MARK3: variants seen among roughly 807,000 people sequenced by gnomAD.
MARK3 encodes the protein microtubule affinity regulating kinase 3, also known as MAP/microtubule affinity-regulating kinase 3.
Under a neutral mutation model 90.1 loss-of-function variants are expected in MARK3, and 46 were observed. The observed-to-expected ratio is 0.51, with a 90% confidence interval of 0.40 to 0.65. The LOEUF (loss-of-function observed/expected upper bound fraction) is 0.65. MARK3 is among the 30% of genes least tolerant of loss of function. The pLI is 0.00. For synonymous variants in MARK3, 321 were observed against 332.6 expected (o/e 0.97, Z 0.38); for missense variants, 818 against 947.2 (o/e 0.86, Z 1.79).
At chr14:103,488,676 G>A (rs906841667) in intron 14 of MARK3, among the ~76,000 whole-genome samples, 21 of 152,070 alleles carry the variant, frequency 1.4e-4, no homozygotes, top group Non-Finnish European at 1.9e-4. Context: ...CCATCATAGT[G>A]AGACACCATC....
intron 1 of MARK3, among the ~76,000 whole-genome samples, chr14:103,386,539 G>T (rs2089817786): frequency 1.3e-5 from 2 of 152,180 alleles, no homozygotes; most frequent in African/African-American, 4.8e-5. Context: ...GGGCGGTCTC[G>T]TTCTTTAAGA....
chr14:103,452,572 C>T (rs369616400), intron 5 of MARK3, among the ~76,000 whole-genome samples: 3 of 145,798 alleles, frequency 2.1e-5, no homozygotes, highest in East Asian at 4.0e-4. Context: ...CCCGGGTTCA[C>T]GCCATTCTCC....
chr14:103,462,600 G>A (rs2093423638), intron 7 of MARK3, 139 bp downstream of exon 7: 2 of 504,828 alleles, frequency 4.0e-6, no homozygotes, highest in South Asian at 9.5e-5. Context: ...TCTTAATCAA[G>A]TTATGGGAAA....
At chr14:103,464,289 CTTTTTTTTT>C (rs143005949) in intron 7 of MARK3, among the ~76,000 whole-genome samples, 6 of 68,664 alleles carry the variant, frequency 8.7e-5, no homozygotes, top group Non-Finnish European at 1.3e-4. Context: ...TGATTTGTCT[CTTTTTTTTT>C]TTTTTTTTTT....
intron 6 of MARK3, chr14:103,458,829 C>T (rs1363255311): frequency 9.6e-6 from 6 of 624,746 alleles, no homozygotes; most frequent in African/African-American, 9.2e-5. Context: ...TTCTTATAAA[C>T]GTTGCTTATA....
intron 14 of MARK3, among the ~76,000 whole-genome samples, chr14:103,483,916 C>G (rs888693611): frequency 5.3e-5 from 8 of 152,314 alleles, no homozygotes; most frequent in African/African-American, 1.9e-4. Context: ...AGTGCTCAAA[C>G]AAATGTTAGC....
intron 3 of MARK3, among the ~76,000 whole-genome samples, chr14:103,445,991 G>A (rs530256309): frequency 3.2e-4 from 48 of 152,326 alleles, no homozygotes; most frequent in South Asian, 3.1e-3. Flanking sequence ...ATGCATTTCA[G>A]TTGTGTGCCA....
chr14:103,385,978 C>A lies in MARK3; in HGVS notation c.-52C>A. On this transcript the variant is annotated 5_prime_UTR_variant, in exon 1 of 18. The change creates a new upstream start codon in the 5' untranslated region. Coordinates refer to ENST00000429436, the MANE Select transcript of MARK3 (RefSeq NM_001128918.3). ...GACGCTGGTCGCCGGCCTCCTAGGG[C>A]TGTGCTGTTTTGTTTTGACCCTCGC... is the stretch of plus-strand genomic sequence containing the variant. The A allele has an allele frequency of 6.8e-7, 1 of 1,478,264 alleles. No homozygotes were observed. Among genetic ancestry groups the A allele is most frequent in the South Asian group, 1.1e-5 (1 of 88,272 alleles). The allele number at this position is 1,478,264 out of a possible 1,614,324, so 91.6% of individuals were successfully genotyped here.
chr14:103,412,244 T>C, intron 2 of MARK3: 1 of 747,468 alleles, frequency 1.3e-6, no homozygotes, highest in Non-Finnish European at 2.3e-6. Context: ...CACAAGCTCA[T>C]CGTCTGTCAT....
At chr14:103,482,281 G>A (rs1379678685) in intron 14 of MARK3, among the ~76,000 whole-genome samples, 1 of 151,782 alleles carries the variant, frequency 6.6e-6, no homozygotes, top group East Asian at 2.0e-4. Flanking sequence ...AGCACTCTGG[G>A]AGGCCAAGGC....
At chr14:103,462,616 T>G (rs1266522390) in intron 7 of MARK3, among the ~76,000 whole-genome samples, 155 bp downstream of exon 7, 1 of 152,168 alleles carries the variant, frequency 6.6e-6, no homozygotes, top group East Asian at 1.9e-4. Context: ...GGAAAGAGCA[T>G]TAAAAATAAA....
In MARK3 at chr14:103,503,086, G is replaced by A. The variant is rs202194062; in HGVS notation, c.2121G>A (p.Ala707=). The part of the protein sequence containing the change: ...LLFCVHGDGH[A]ENLVQWEMEV... Reference sequence around the variant, plus strand: ...TCTGCGTCCACGGAGATGGGCACGCGGAGAACCTCGTGCAGTGGGAAATGG... The same window carrying A: ...TCTGCGTCCACGGAGATGGGCACGCAGAGAACCTCGTGCAGTGGGAAATGG... Residue 707 remains alanine (A), a synonymous_variant, in exon 18 of 18, where the codon GCG becomes GCA. Transcript: ENST00000429436. The A allele has an allele frequency of 1.3e-4, 214 of 1,614,188 alleles. 2 individuals carry two copies. Among genetic ancestry groups the A allele is most frequent in the African/African-American group, 1.1e-3 (86 of 75,030 alleles).
intron 2 of MARK3, among the ~76,000 whole-genome samples, chr14:103,408,582 T>A (rs910489466): frequency 1.3e-5 from 2 of 152,164 alleles, no homozygotes; most frequent in African/African-American, 4.8e-5. Flanking sequence ...GTGACACATA[T>A]GGCGTAGCAT....
intron 1 of MARK3, among the ~76,000 whole-genome samples, chr14:103,388,462 T>A (rs1424438889): frequency 6.6e-6 from 1 of 152,200 alleles, no homozygotes; most frequent in Non-Finnish European, 1.5e-5. Context: ...TTCCTGCCAA[T>A]TGAGTGGTGA....
At chr14:103,491,510 C>T in intron 14 of MARK3, 1 of 384,474 alleles carries the variant, frequency 2.6e-6, no homozygotes, top group Non-Finnish European at 4.7e-6. Context: ...TAGCTGTTCT[C>T]TGTCCTAGAA....
chr14:103,440,402 A>G (rs932673174), intron 3 of MARK3, among the ~76,000 whole-genome samples: 2 of 152,334 alleles, frequency 1.3e-5, no homozygotes, highest in East Asian at 3.9e-4. Flanking sequence ...CAGAGCAGGT[A>G]TGCTAATTTA....
chr14:103,414,448 G>T (rs942678796), intron 2 of MARK3, among the ~76,000 whole-genome samples: 4 of 151,944 alleles, frequency 2.6e-5, no homozygotes, highest in African/African-American at 7.2e-5. Context: ...CAGATGATCC[G>T]CCCGCCTTGG....
Position 103,465,810 on chromosome 14 carries a change from C to G in MARK3, c.777+17C>G, listed in dbSNP as rs371693376. The G allele has an allele frequency of 7.5e-6, 12 of 1,590,164 alleles. No individual in the cohort carries two copies. In the African/African-American group the frequency reaches 1.5e-4, roughly 20 times the overall value. On this transcript the variant is annotated intron_variant, in intron 8 of 17. Coordinates refer to ENST00000429436, the MANE Select transcript of MARK3 (RefSeq NM_001128918.3). Reference sequence around the variant, plus strand: ...AACCTAAAGGTATAAGAAGCTGCACCCATGTACTTCACTAAACTAAAAGAA... The same window carrying G: ...AACCTAAAGGTATAAGAAGCTGCACGCATGTACTTCACTAAACTAAAAGAA...
intron 1 of MARK3, among the ~76,000 whole-genome samples, chr14:103,388,788 T>A (rs754784661): frequency 2.6e-5 from 4 of 152,166 alleles, no homozygotes; most frequent in African/African-American, 4.8e-5. Flanking sequence ...ATCTTTTGTG[T>A]CTTCTTTCAC....
Sources: gnomAD v4.1 joint callset for allele counts (sites outside exome capture counted in the v4.1 genomes callset) on GRCh38, gnomAD v4.1.1 for gene constraint, MANE v1.5 for transcripts, NCBI Gene and HGNC (gene_info 2026-07-23, HGNC 2026-07-21) for gene names.